Variants in FNTB observed in about 807,000 individuals in gnomAD.
The protein encoded by FNTB is farnesyltransferase, CAAX box, subunit beta.
FNTB carries 27 observed loss-of-function variants against 59.4 expected under a neutral mutation model. The observed-to-expected ratio is 0.45, with a 90% confidence interval of 0.34 to 0.63. The LOEUF (loss-of-function observed/expected upper bound fraction) is 0.63. FNTB is among the 20% of genes least tolerant of loss of function. FNTB has a pLI of 0.02. For synonymous variants in FNTB, 230 were observed against 220.7 expected (o/e 1.04, Z -0.37); for missense variants, 449 against 559.6 (o/e 0.80, Z 1.99).
rs1158636140 is a variant in FNTB at position 64,986,939 on chromosome 14, G to C, written c.-15G>C. On this transcript the variant is annotated 5_prime_UTR_variant, in exon 1 of 12. Transcript: ENST00000246166. ...CGAAGCAGAGTCCTACACACTGTCT[G>C]CTGCTCTCCTGATCATGGCTTCTCC... is the stretch of plus-strand genomic sequence containing the variant. The C allele has an allele frequency of 6.2e-7, 1 of 1,614,154 alleles. No individual in the cohort carries two copies. The highest frequency in any genetic ancestry group is 1.1e-5 in the South Asian group (1 of 91,092).
In FNTB at chr14:64,987,068, T is replaced by A; in HGVS notation, c.115T>A (p.Ser39Thr). The A allele has an allele frequency of 6.2e-7, 1 of 1,614,198 alleles. No individual in the cohort carries two copies. Among genetic ancestry groups the A allele is most frequent in the East Asian group, 2.2e-5 (1 of 44,884 alleles). Residue 39 changes from serine (S) to threonine (T), a missense_variant, in exon 1 of 12, where the codon TCG (serine) becomes ACG (threonine). By Grantham distance (58) the Ser-to-Thr change is moderately conservative. Transcript: ENST00000246166. ...EHARERLQDD[S>T]VETVTSIEQA... is the part of the protein sequence containing the mutation. The stretch of plus-strand genomic sequence containing the variant: ...CGCGCGAGAGCGGTTGCAGGACGAC[T>A]CGGTGGAAACAGTCACGTCCATAGA...
intron 8 of FNTB, 116 bp downstream of exon 8, chr14:65,041,035 C>G (rs1430996087): frequency 7.4e-6 from 11 of 1,488,790 alleles, no homozygotes; most frequent in Middle Eastern, 1.8e-4. Flanking sequence ...AGAGTTAGCT[C>G]TGTTCCAACA....
intron 11 of FNTB, among the ~76,000 whole-genome samples, chr14:65,057,485 T>C (rs2062762852): frequency 6.6e-6 from 1 of 152,178 alleles, no homozygotes; most frequent in African/African-American, 2.4e-5. Context: ...TATTTGTCTT[T>C]TCTGTCATTC....
chr14:65,008,137 G>A (rs1208722266), intron 2 of FNTB, among the ~76,000 whole-genome samples: 1 of 152,174 alleles, frequency 6.6e-6, no homozygotes. Flanking sequence ...TTCCTCGATT[G>A]CTTTATTGCT....
intron 7 of FNTB, among the ~76,000 whole-genome samples, chr14:65,039,460 G>A (rs544120600): frequency 4.6e-5 from 7 of 152,290 alleles, no homozygotes; most frequent in Admixed American, 1.3e-4. Context: ...GGGACTTAAA[G>A]GTCTGATTCT....
chr14:64,987,265 G>T, intron 1 of FNTB, 168 bp downstream of exon 1: 1 of 774,056 alleles, frequency 1.3e-6, no homozygotes, highest in Non-Finnish European at 2.0e-6. Flanking sequence ...GGGCTTCGTC[G>T]TGGAGCGTTT....
intron 1 of FNTB, chr14:64,987,674 C>T (rs1433122829): frequency 6.5e-6 from 1 of 154,658 alleles, no homozygotes; most frequent in East Asian, 1.9e-4. Context: ...AATAAAACAG[C>T]TCCTGACCAG....
intron 4 of FNTB, among the ~76,000 whole-genome samples, chr14:65,017,293 A>G (rs1354554781): frequency 6.6e-6 from 1 of 152,108 alleles, no homozygotes; most frequent in Non-Finnish European, 1.5e-5. Flanking sequence ...ACTCCTACAC[A>G]ATCAGGATAT....
rs1414457287 is a variant in FNTB at position 65,001,821 on chromosome 14, T to C, written c.145-2428T>C. On this transcript the variant is annotated intron_variant, in intron 1 of 11. Coordinates refer to ENST00000246166, the MANE Select transcript of FNTB (RefSeq NM_002028.4). The surrounding 1 kb of genome is among the most constrained non-coding windows in gnomAD (Gnocchi z 5.5). ...ATGAGTGTCAGGAATGGAAAAAGAA[T>C]TATGATTCTGGGACAACTTTCTTAT... 6.6e-6 allele frequency among the ~76,000 whole-genome samples: 1 copy of C among 152,254 alleles called. No homozygotes were observed. The highest frequency in any genetic ancestry group is 1.5e-5 in the Non-Finnish European group (1 of 68,044).
chr14:65,004,668 C>CT lies in FNTB; in HGVS notation c.209+366dup, dbSNP rs146781360. On this transcript the variant is annotated intron_variant, in intron 2 of 11. Transcript: ENST00000246166. ...CAGGTTTTTCTTTTTCTTTCTTTTTCTTTTTTTTTTTGAGACAGCGTTTCG... is the reference window on the plus strand; with the variant it reads ...CAGGTTTTTCTTTTTCTTTCTTTTTCTTTTTTTTTTTTGAGACAGCGTTTCG... Among the ~76,000 whole-genome samples, 564 of 146,394 alleles carry CT rather than the reference C, an allele frequency of 3.9e-3. 3 individuals are homozygous for CT. Among genetic ancestry groups the CT allele is most frequent in the African/African-American group, 0.011 (429 of 40,226 alleles).
chr14:65,032,797 C>A lies in FNTB; in HGVS notation c.692+101C>A, dbSNP rs572418595. On this transcript the variant is annotated intron_variant, in intron 7 of 11. Transcript: ENST00000246166. This position sits in a 1 kb window ranked among gnomAD's most constrained non-coding sequence, Gnocchi z 5.0. The stretch of plus-strand genomic sequence containing the variant: ...ATGCAGAGGGACTTGGAAGGAAATA[C>A]AAAAATCACAGGAGATCCATTAGGG... 3 of 1,136,176 alleles carry A rather than the reference C, an allele frequency of 2.6e-6. No homozygotes were observed. The highest frequency in any genetic ancestry group is 1.6e-5 in the South Asian group (1 of 62,292). The allele number at this position is 1,136,176 out of a possible 1,614,324, so 70.4% of individuals were successfully genotyped here. A position where few individuals can be genotyped will look rare whatever the true frequency, so the allele number is the denominator to read the frequency against.
At position 65,032,734 on chromosome 14, in the gene FNTB, G is replaced by A. The variant is rs2062110509; in HGVS notation, c.692+38G>A. 4 of 1,594,540 alleles carry A rather than the reference G, an allele frequency of 2.5e-6. No homozygotes were observed. The East Asian group carries it at 9.0e-5, about 36-fold the overall frequency. On this transcript the variant is annotated intron_variant, in intron 7 of 11. Coordinates refer to ENST00000246166, the MANE Select transcript of FNTB (RefSeq NM_002028.4). The surrounding 1 kb of genome is among the most constrained non-coding windows in gnomAD (Gnocchi z 5.0). ...AGGGTTTCTCCTGGCCTCTTGGAGA[G>A]CAGGCGGTCACGACACTACTTCAGA...
chr14:65,021,983 A>G (rs2061896250), intron 4 of FNTB: 1 of 455,914 alleles, frequency 2.2e-6, no homozygotes, highest in Non-Finnish European at 4.4e-6. Context: ...TTCTTCCAGA[A>G]CAGCAGCCAT....
rs2061728580 is a variant in FNTB, at chr14:65,014,049, A to C, written c.283-1576A>C. Among the ~76,000 whole-genome samples the C allele has an allele frequency of 6.6e-6, 1 of 152,218 alleles. No homozygotes were observed. Among genetic ancestry groups the C allele is most frequent in the African/African-American group, 2.4e-5 (1 of 41,460 alleles). Reference sequence around the variant, plus strand: ...CAGCCTACCTTCCAGGTGGTGGGTTAGCCACAGCTTGGGATATCAGCATAG... The same window carrying C: ...CAGCCTACCTTCCAGGTGGTGGGTTCGCCACAGCTTGGGATATCAGCATAG... On this transcript the variant is annotated intron_variant, in intron 3 of 11. Transcript: ENST00000246166. The surrounding 1 kb of genome is among the most constrained non-coding windows in gnomAD (Gnocchi z 5.1).
At chr14:65,048,324 T>TA (rs2062531524) in intron 9 of FNTB, among the ~76,000 whole-genome samples, 11 of 142,340 alleles carry the variant, frequency 7.7e-5, no homozygotes, top group Admixed American at 3.8e-4. Flanking sequence ...TACTGTGCCT[T>TA]TAAAAAAAAA....
intron 4 of FNTB, chr14:65,022,221 C>T (rs2061901737): frequency 5.4e-6 from 2 of 369,594 alleles, no homozygotes; most frequent in South Asian, 2.0e-5. Flanking sequence ...ATTTACATCC[C>T]CTCCTAAGCC....
Position 65,020,072 on chromosome 14 carries a change from C to T in FNTB, c.374+4356C>T, listed in dbSNP as rs550024957. Among the ~76,000 whole-genome samples the T allele has an allele frequency of 8.5e-5, 13 of 152,218 alleles. 1 individual carries two copies. In the East Asian group the frequency reaches 2.5e-3, roughly 29 times the overall value. Reference sequence around the variant, plus strand: ...TTTCCCCTGCATGTAACACACACGCCCCCTACACTTACACAAAGGTTTCTC... The same window carrying T: ...TTTCCCCTGCATGTAACACACACGCTCCCTACACTTACACAAAGGTTTCTC... On this transcript the variant is annotated intron_variant, in intron 4 of 11. Transcript: ENST00000246166.
intron 1 of FNTB, among the ~76,000 whole-genome samples, chr14:64,989,402 C>T (rs1470947933): frequency 6.6e-6 from 1 of 150,504 alleles, no homozygotes; most frequent in Non-Finnish European, 1.5e-5. Flanking sequence ...GATCGAGCCA[C>T]GGTACTCTAG....
At chr14:65,025,593 T>C (rs1032880778) in intron 4 of FNTB, among the ~76,000 whole-genome samples, 3 of 152,122 alleles carry the variant, frequency 2.0e-5, no homozygotes, top group African/African-American at 7.2e-5. Context: ...GGTGGGAGGA[T>C]TGCTTGAGCC....
Sources: allele counts gnomAD v4.1 joint callset (sites outside exome capture counted in the v4.1 genomes callset), GRCh38; gene constraint gnomAD v4.1.1; non-coding constraint Gnocchi (gnomAD v3.1); transcripts MANE v1.5; gene names NCBI Gene and HGNC (gene_info 2026-07-23, HGNC 2026-07-21).